The following MAPT variants were observed in gnomAD, a reference collection of about 807,000 sequenced individuals.
MAPT encodes the protein microtubule associated protein tau, also known as microtubule-associated protein tau.
In MAPT, 34 loss-of-function variants were observed where a neutral mutation model predicts 67.9. The ratio of observed to expected loss-of-function variants is 0.50; its 90% CI spans 0.38 to 0.67. The LOEUF is 0.67. MAPT is among the 30% of genes least tolerant of loss of function. The pLI is 0.00. For missense variants in MAPT, 881 were observed against 1,115.2 expected, an observed-to-expected ratio of 0.79 and a Z score of 2.99; for synonymous variants, 456 against 464.5, an observed-to-expected ratio of 0.98 and a Z score of 0.23.
At chr17:45,969,937 C>T (rs1401343925) in intron 2 of MAPT, among the ~76,000 whole-genome samples, 3 of 151,988 alleles carry the variant, frequency 2.0e-5, no homozygotes, top group South Asian at 2.1e-4. Context: ...TATACATCAT[C>T]CATTCATCCA....
In MAPT at chr17:45,897,567, G is replaced by A. The variant is rs910127536; in HGVS notation, c.-18+2881G>A. On this transcript the variant is annotated intron_variant, in intron 1 of 12. Coordinates refer to ENST00000262410, the MANE Select transcript of MAPT (RefSeq NM_001377265.1). This position sits in a 1 kb window ranked among gnomAD's most constrained non-coding sequence, Gnocchi z 5.0. ...TGCAGCTTTTGCGCGGATGACGGTG[G>A]GGTGCTGAACCAGCCGGTGCGCCTC... The A allele has an allele frequency of 1.3e-5, 2 of 152,232 alleles. No homozygotes were observed. The highest frequency in any genetic ancestry group is 2.9e-5 in the Non-Finnish European group (2 of 68,094). 9.4% of individuals were successfully genotyped at this position (152,232 alleles called of 1,614,324 possible). A position where few individuals can be genotyped will look rare whatever the true frequency, so the allele number is the denominator to read the frequency against.
At chr17:45,952,790 C>T (rs995296951) in intron 1 of MAPT, among the ~76,000 whole-genome samples, 9 of 152,134 alleles carry the variant, frequency 5.9e-5, no homozygotes, top group African/African-American at 2.2e-4. Flanking sequence ...CTTGGTTACC[C>T]AGCTGTTGGA....
intron 2 of MAPT, among the ~76,000 whole-genome samples, chr17:45,964,450 C>T (rs1358351107): frequency 6.7e-6 from 1 of 149,674 alleles, no homozygotes; most frequent in Non-Finnish European, 1.5e-5. Context: ...GAGGCTGCGG[C>T]AGGAGGATTG....
chr17:45,900,611 A>G (rs1201884279), intron 1 of MAPT, among the ~76,000 whole-genome samples: 3 of 152,214 alleles, frequency 2.0e-5, no homozygotes, highest in Admixed American at 6.5e-5. Flanking sequence ...TGCCAAGGCT[A>G]TTCAAGGAAG....
Position 45,896,207 on chromosome 17 carries a change from A to T in MAPT, c.-18+1521A>T, listed in dbSNP as rs2063205326. The T allele has an allele frequency of 6.6e-6, 1 of 151,620 alleles. No homozygotes were observed. Among genetic ancestry groups the T allele is most frequent in the African/African-American group, 2.4e-5 (1 of 41,176 alleles). The allele number at this position is 151,620 out of a possible 1,614,324, so 9.4% of individuals were successfully genotyped here. A position where few individuals can be genotyped will look rare whatever the true frequency, so the allele number is the denominator to read the frequency against. On this transcript the variant is annotated intron_variant, in intron 1 of 12. Transcript: ENST00000262410. This position sits in a 1 kb window ranked among gnomAD's most constrained non-coding sequence, Gnocchi z 5.6. The stretch of plus-strand genomic sequence containing the variant: ...GTGACCGCGCGCAGCCTCGTCTCGG[A>T]GTCTGCCGGCGCCGGGAAGCTTCTG...
Position 46,025,897 on chromosome 17 carries a change from A to G in MAPT, c.*1726A>G, listed in dbSNP as rs2076786013. 6.6e-6 allele frequency: 1 copy of G among 152,190 alleles called. No individual in the cohort carries two copies. Among genetic ancestry groups the G allele is most frequent in the South Asian group, 2.1e-4 (1 of 4,822 alleles). The allele number at this position is 152,190 out of a possible 1,614,324, so 9.4% of individuals were successfully genotyped here. A position where few individuals can be genotyped will look rare whatever the true frequency, so the allele number is the denominator to read the frequency against. On this transcript the variant is annotated 3_prime_UTR_variant, in exon 13 of 13. Transcript: ENST00000262410. Reference sequence around the variant, plus strand: ...TAGTATCAGCCCTCCACACCCGACAAAGGGGAACACACCCCCTTGGAAATG... The same window carrying G: ...TAGTATCAGCCCTCCACACCCGACAGAGGGGAACACACCCCCTTGGAAATG...
rs116170020 is a variant in MAPT, at chr17:45,928,124, T to C, written c.-18+33438T>C. ...GCCCCGATCTTTCTACTCTAACCAGTTGTCTCAGTTAACAAGGACAGGTTT... is the reference window on the plus strand; with the variant it reads ...GCCCCGATCTTTCTACTCTAACCAGCTGTCTCAGTTAACAAGGACAGGTTT... On this transcript the variant is annotated intron_variant, in intron 1 of 12. Coordinates refer to ENST00000262410, the MANE Select transcript of MAPT (RefSeq NM_001377265.1). 7.3e-3 allele frequency among the ~76,000 whole-genome samples: 1,112 copies of C among 152,158 alleles called. 15 individuals are homozygous for C. The highest frequency in any genetic ancestry group is 0.026 in the African/African-American group (1,064 of 41,494).
Position 46,026,148 on chromosome 17 carries a change from C to G in MAPT, c.*1977C>G, listed in dbSNP as rs1020115495. 6.6e-6 allele frequency: 1 copy of G among 152,554 alleles called. No homozygotes were observed. The highest frequency in any genetic ancestry group is 3.4e-3 in the Middle Eastern group (1 of 292). 9.5% of individuals were successfully genotyped at this position (152,554 alleles called of 1,614,324 possible). On this transcript the variant is annotated 3_prime_UTR_variant, in exon 13 of 13. Coordinates refer to ENST00000262410, the MANE Select transcript of MAPT (RefSeq NM_001377265.1). ...AAATGCTTGTAAAGAGGTTTCTAACCCACCCTCACGAGGTGTCTCTCACCC... is the reference window on the plus strand; with the variant it reads ...AAATGCTTGTAAAGAGGTTTCTAACGCACCCTCACGAGGTGTCTCTCACCC...
At position 46,018,598 on chromosome 17, in the gene MAPT, TTG is replaced by T. The variant is rs749306147; in HGVS notation, c.2174-12_2174-11del. 3 of 1,515,150 alleles carry T rather than the reference TTG, an allele frequency of 2.0e-6. No individual in the cohort carries two copies. The Admixed American group carries it at 5.0e-5, about 25-fold the overall frequency. The allele number at this position is 1,515,150 out of a possible 1,614,324, so 93.9% of individuals were successfully genotyped here. ...CACAGAAGATGATGGCAAGATGCTC[TTG>T]TGTGTGTTGTGTTCTAGGAGGTGGC... On this transcript the variant is annotated intron_variant, in intron 11 of 12. Transcript: ENST00000262410.
intron 1 of MAPT, among the ~76,000 whole-genome samples, chr17:45,928,643 G>A (rs2066572658): frequency 6.6e-6 from 1 of 151,924 alleles, no homozygotes; most frequent in Non-Finnish European, 1.5e-5. Flanking sequence ...CCAAATCCCT[G>A]GGGTAGGGCC....
Position 46,027,782 on chromosome 17 carries a change from GCTTTGGC to G in MAPT, c.*3614_*3620del, listed in dbSNP as rs1000675895. ...GGCGTAGGAATATGGACATCTGGTT[GCTTTGGC>G]CTGCTGCCCTCTTTCAGGGGTCCTA... On this transcript the variant is annotated 3_prime_UTR_variant, in exon 13 of 13. Coordinates refer to ENST00000262410, the MANE Select transcript of MAPT (RefSeq NM_001377265.1). The G allele has an allele frequency of 1.3e-5, 2 of 152,238 alleles. No individual in the cohort carries two copies. Among genetic ancestry groups the G allele is most frequent in the Non-Finnish European group, 2.9e-5 (2 of 68,102 alleles). 9.4% of individuals were successfully genotyped at this position (152,238 alleles called of 1,614,324 possible).
In MAPT at chr17:45,971,401, C is replaced by T. The variant is rs183017869; in HGVS notation, c.134-458C>T. Among the ~76,000 whole-genome samples the T allele has an allele frequency of 6.6e-6, 1 of 152,168 alleles. No homozygotes were observed. Among genetic ancestry groups the T allele is most frequent in the Non-Finnish European group, 1.5e-5 (1 of 68,036 alleles). On this transcript the variant is annotated intron_variant, in intron 2 of 12. Transcript: ENST00000262410. The surrounding 1 kb of genome is among the most constrained non-coding windows in gnomAD (Gnocchi z 4.3). ...CCAATGTCCACTTAGAAGTAAGCAC[C>T]GTGTCTGCCCTGAGCTGACTCCTTT...
chr17:45,981,757 T>C (rs1032927760), intron 4 of MAPT, among the ~76,000 whole-genome samples: 1 of 152,104 alleles, frequency 6.6e-6, no homozygotes, highest in African/African-American at 2.4e-5. Flanking sequence ...AAGTCAAGTA[T>C]GGTGGCTCAT....
intron 3 of MAPT, chr17:45,972,214 CG>C: frequency 1.6e-6 from 1 of 631,208 alleles, no homozygotes; most frequent in Middle Eastern, 4.1e-4. Flanking sequence ...CCGCTCCATA[CG>C]ATTGTCCTCC....
At chr17:45,985,473 G>A (rs1279216134) in intron 5 of MAPT, among the ~76,000 whole-genome samples, 1 of 152,086 alleles carries the variant, frequency 6.6e-6, no homozygotes, top group East Asian at 1.9e-4. Flanking sequence ...GGTGTGTTTG[G>A]ATTAAAAAAG....
chr17:45,954,848 G>A (rs2069452981), intron 1 of MAPT, among the ~76,000 whole-genome samples: 2 of 151,854 alleles, frequency 1.3e-5, no homozygotes, highest in Admixed American at 1.3e-4. Context: ...GCCGGGCACA[G>A]TGGCGGGCGC....
chr17:45,930,421 A>AG (rs1470959794), intron 1 of MAPT, among the ~76,000 whole-genome samples: 4 of 149,796 alleles, frequency 2.7e-5, no homozygotes, highest in East Asian at 1.9e-4. Context: ...AAAAAAAAAA[A>AG]AAAGAAAAGG....
chr17:45,971,829 C>T lies in MAPT; in HGVS notation c.134-30C>T, dbSNP rs747657686. ...AAAGGGGGCGCTGGGGAGAGGCCAC[C>T]GTTCTGAGGGCTCACTGTATGTGTT... On this transcript the variant is annotated intron_variant, in intron 2 of 12. Transcript: ENST00000262410. The surrounding 1 kb of genome is among the most constrained non-coding windows in gnomAD (Gnocchi z 4.3). The T allele has an allele frequency of 9.2e-6, 14 of 1,515,204 alleles. No individual in the cohort carries two copies. The highest frequency in any genetic ancestry group is 4.5e-5 in the South Asian group (4 of 89,250). The allele number at this position is 1,515,204 out of a possible 1,614,324, so 93.9% of individuals were successfully genotyped here. A position where few individuals can be genotyped will look rare whatever the true frequency, so the allele number is the denominator to read the frequency against.
chr17:46,007,437 C>T (rs769131560), intron 9 of MAPT, among the ~76,000 whole-genome samples: 4 of 151,792 alleles, frequency 2.6e-5, no homozygotes, highest in South Asian at 2.1e-4. Flanking sequence ...CAGTGAGCTA[C>T]GATGGCGCCA....
Sources: gnomAD v4.1 joint callset for allele counts (sites outside exome capture counted in the v4.1 genomes callset) on GRCh38, gnomAD v4.1.1 for gene constraint, Gnocchi (gnomAD v3.1) non-coding constraint, MANE v1.5 for transcripts, NCBI Gene and HGNC (gene_info 2026-07-23, HGNC 2026-07-21) for gene names.